SP140: variants seen among roughly 807,000 people sequenced by gnomAD.
SP140 encodes nuclear body protein SP140.
In SP140, 81 loss-of-function variants were observed where a neutral mutation model predicts 125.0. The ratio of observed to expected loss-of-function variants is 0.65; its 90% CI spans 0.54 to 0.78. The LOEUF (loss-of-function observed/expected upper bound fraction) is 0.78, where lower values mean the gene tolerates loss of function less well. SP140 is among the 30% of genes least tolerant of loss of function. SP140 has a pLI of 0.00. For missense variants in SP140, 858 were observed against 1,037.0 expected (o/e 0.83, Z 2.37); for synonymous variants, 312 against 354.0 (o/e 0.88, Z 1.33).
At chr2:230,216,666 G>C (rs946859348) in intron 3 of SP140, 1 of 1,250,766 alleles carries the variant, frequency 8.0e-7, no homozygotes, top group African/African-American at 1.5e-5. Context: ...TAATGAACAT[G>C]CCTGGGCTGG....
chr2:230,189,419 C>T, the SP140 span, among the ~76,000 whole-genome samples: 5 of 152,090 alleles, frequency 3.3e-5, no homozygotes, highest in Admixed American at 6.5e-5. Context: ...TTCTAATTTC[C>T]GTCTTAATTT....
intron 1 of SP140, chr2:230,212,425 T>G: frequency 6.2e-7 from 1 of 1,609,352 alleles, no homozygotes; most frequent in Non-Finnish European, 8.5e-7. Flanking sequence ...AACTTGTCAT[T>G]GGTCACTGAA....
intron 12 of SP140, among the ~76,000 whole-genome samples, chr2:230,258,679 T>C (rs2051667983): frequency 6.6e-6 from 1 of 152,230 alleles, no homozygotes; most frequent in Admixed American, 6.5e-5. Context: ...AAACGTGGCT[T>C]TCCCACATGT....
upstream of SP140, chr2:230,201,009 A>G (rs1027472092): frequency 4.1e-6 from 6 of 1,457,744 alleles, no homozygotes; most frequent in Non-Finnish European, 4.8e-6. Context: ...GGGAAACACC[A>G]TGGAGAATCT....
chr2:230,307,250 G>T (rs968533683), intron 22 of SP140, among the ~76,000 whole-genome samples: 1 of 152,206 alleles, frequency 6.6e-6, no homozygotes, highest in Non-Finnish European at 1.5e-5. Flanking sequence ...GCTCGGTAAA[G>T]CTCCTCTTCG....
At chr2:230,290,367 A>G in intron 18 of SP140, 93 bp from the exon 19 acceptor site, 1 of 1,134,144 alleles carries the variant, frequency 8.8e-7, no homozygotes, top group East Asian at 2.5e-5. Flanking sequence ...GAATTTCCTA[A>G]GTATCCCTCG....
upstream of SP140, among the ~76,000 whole-genome samples, chr2:230,221,228 C>A (rs868737614): frequency 1.3e-5 from 2 of 151,198 alleles, no homozygotes; most frequent in Non-Finnish European, 2.9e-5. Flanking sequence ...TTGCAGTGAG[C>A]CGAGATCGCA....
chr2:230,312,720 G>A lies in SP140; in HGVS notation c.*36G>A, dbSNP rs1490560448. On this transcript the variant is annotated 3_prime_UTR_variant, in exon 27 of 27. Transcript: ENST00000392045. ...GGATGCTGAAAGCATTCAGCAAATG[G>A]CACCCTAAAATATGCCGCTGGTTTG... 3 of 1,492,060 alleles carry A rather than the reference G, an allele frequency of 2.0e-6. 1 individual carries two copies. Among genetic ancestry groups the A allele is most frequent in the South Asian group, 2.3e-5 (2 of 88,276 alleles). The allele number at this position is 1,492,060 out of a possible 1,614,324, so 92.4% of individuals were successfully genotyped here.
At chr2:230,189,097 T>A in the SP140 span, among the ~76,000 whole-genome samples, 1 of 152,124 alleles carries the variant, frequency 6.6e-6, no homozygotes. Flanking sequence ...CTTCTCTCTT[T>A]TTTTTTGGTT....
At chr2:230,308,548 G>T (rs1322518486) in intron 22 of SP140, among the ~76,000 whole-genome samples, 1 of 152,234 alleles carries the variant, frequency 6.6e-6, no homozygotes, top group African/African-American at 2.4e-5. Flanking sequence ...GCCCGGTGGG[G>T]GTGGGCAGGC....
At chr2:230,213,730 T>C (rs2044756333) in exon 2 of SP140, 2 of 152,686 alleles carry the variant, frequency 1.3e-5, no homozygotes, top group South Asian at 4.1e-4. Context: ...AACAAAATCA[T>C]CAGGTTGAAG....
intron 4 of SP140, among the ~76,000 whole-genome samples, chr2:230,243,081 T>C (rs2048940381): frequency 6.6e-6 from 1 of 152,230 alleles, no homozygotes; most frequent in African/African-American, 2.4e-5. Context: ...TTCTCCAGCT[T>C]AATCCCTGCC....
chr2:230,293,787 C>T (rs1430480904), intron 20 of SP140, among the ~76,000 whole-genome samples: 1 of 152,202 alleles, frequency 6.6e-6, no homozygotes, highest in African/African-American at 2.4e-5. Flanking sequence ...CTCCTGAGCC[C>T]TCTACTAAGG....
At chr2:230,252,108 G>A (rs2149230411) in intron 10 of SP140, among the ~76,000 whole-genome samples, 1 of 152,056 alleles carries the variant, frequency 6.6e-6, no homozygotes, top group African/African-American at 2.4e-5. Context: ...TTAAGGAGAG[G>A]AGTGGAAAAA....
At chr2:230,314,825 C>T (rs1271932313), downstream of SP140, among the ~76,000 whole-genome samples, 1 of 152,204 alleles carries the variant, frequency 6.6e-6, no homozygotes, top group Admixed American at 6.5e-5. Context: ...TTGAGAAGCT[C>T]AATGGTGGCT....
chr2:230,308,331 C>T (rs1253151649), intron 22 of SP140, among the ~76,000 whole-genome samples: 1 of 152,040 alleles, frequency 6.6e-6, no homozygotes, highest in Non-Finnish European at 1.5e-5. Context: ...CAAAAGCCAC[C>T]ACTAAAAAAA....
intron 9 of SP140, among the ~76,000 whole-genome samples, chr2:230,250,600 G>A (rs985651556): frequency 6.6e-6 from 1 of 152,150 alleles, no homozygotes; most frequent in Non-Finnish European, 1.5e-5. Context: ...CCAATAAAAA[G>A]CAGAGTCAGG....
At chr2:230,250,847 C>A in intron 9 of SP140, 134 bp from the exon 10 acceptor site, 1 of 836,876 alleles carries the variant, frequency 1.2e-6, no homozygotes, top group Admixed American at 2.4e-5. Context: ...CAGGTGAACC[C>A]ACCTACAGAA....
intron 15 of SP140, among the ~76,000 whole-genome samples, chr2:230,278,751 G>A (rs1420937016): frequency 1.3e-5 from 2 of 152,002 alleles, no homozygotes; most frequent in Admixed American, 6.6e-5. Flanking sequence ...TTATTGAAGA[G>A]ACTGTCTTTT....
Sources: gnomAD v4.1 joint callset for allele counts (sites outside exome capture counted in the v4.1 genomes callset) on GRCh38, gnomAD v4.1.1 for gene constraint, MANE v1.5 for transcripts, NCBI Gene and HGNC (gene_info 2026-07-23, HGNC 2026-07-21) for gene names.